ADK: variants seen among roughly 807,000 people sequenced by gnomAD.
ADK encodes the protein adenosine kinase, also known as N6,N6-dimethyladenosine kinase.
Under a neutral mutation model 44.7 loss-of-function variants are expected in ADK, and 24 were observed. The ratio of observed to expected loss-of-function variants is 0.54; its 90% CI spans 0.39 to 0.76. The LOEUF (loss-of-function observed/expected upper bound fraction) is 0.76, where lower values mean the gene tolerates loss of function less well. Ranked by LOEUF, ADK falls within the 30% of genes least tolerant of loss-of-function variation. ADK has a pLI of 0.00. For synonymous variants in ADK, 128 were observed against 142.6 expected (o/e 0.90, Z 0.73); for missense variants, 321 against 425.1 (o/e 0.76, Z 2.15).
intron 2 of ADK, among the ~76,000 whole-genome samples, chr10:74,205,040 C>CAAAAAAAA (rs60670688): frequency 7.9e-4 from 41 of 51,634 alleles, no homozygotes; most frequent in African/African-American, 3.8e-3. Flanking sequence ...CACTCTGTCT[C>CAAAAAAAA]AAAAAAAAAA....
chr10:74,676,474 A>G (rs925679063), intron 10 of ADK, among the ~76,000 whole-genome samples: 1 of 151,874 alleles, frequency 6.6e-6, no homozygotes, highest in African/African-American at 2.4e-5. Flanking sequence ...GTGCTGACTC[A>G]TAATACTTTT....
intron 6 of ADK, among the ~76,000 whole-genome samples, chr10:74,424,535 C>CAA (rs57106986): frequency 0.014 from 841 of 58,368 alleles, 17 homozygotes; most frequent in East Asian, 0.027. Context: ...AACTCCGTCT[C>CAA]AAAAAAAAAA....
At chr10:74,526,819 T>C (rs1475272037) in intron 7 of ADK, among the ~76,000 whole-genome samples, 1 of 152,202 alleles carries the variant, frequency 6.6e-6, no homozygotes, top group Non-Finnish European at 1.5e-5. Flanking sequence ...TTGACTAAGA[T>C]CTACCATTTA....
chr10:74,366,725 T>G (rs570267329), intron 4 of ADK, among the ~76,000 whole-genome samples: 1 of 151,790 alleles, frequency 6.6e-6, no homozygotes, highest in East Asian at 1.9e-4. Context: ...AGTCTAGGAG[T>G]TCGAGATTAG....
intron 9 of ADK, among the ~76,000 whole-genome samples, chr10:74,640,891 G>A (rs1363022781): frequency 1.3e-5 from 2 of 152,188 alleles, no homozygotes; most frequent in Non-Finnish European, 2.9e-5. Context: ...TTATTTCATA[G>A]AGACCATTCT....
chr10:74,655,696 A>G, intron 9 of ADK: 1 of 478,254 alleles, frequency 2.1e-6, no homozygotes, highest in South Asian at 1.7e-5. Context: ...TCCGTGGCAG[A>G]GCTGCCCAGG....
intron 8 of ADK, among the ~76,000 whole-genome samples, chr10:74,596,260 A>G (rs1384996309): frequency 6.6e-6 from 1 of 152,138 alleles, no homozygotes; most frequent in African/African-American, 2.4e-5. Flanking sequence ...GTTCTCCACT[A>G]CTTGTATTTA....
chr10:74,692,513 G>A (rs1856029967), intron 10 of ADK, among the ~76,000 whole-genome samples: 1 of 151,970 alleles, frequency 6.6e-6, no homozygotes, highest in Non-Finnish European at 1.5e-5. Context: ...AAAGAAATGA[G>A]CTATTAAGCC....
chr10:74,227,327 A>G (rs1047052971), intron 3 of ADK, among the ~76,000 whole-genome samples: 3 of 152,238 alleles, frequency 2.0e-5, no homozygotes, highest in Non-Finnish European at 4.4e-5. Flanking sequence ...TGGCACCATC[A>G]CATTGACCTG....
chr10:74,387,077 C>T (rs568500306), intron 4 of ADK, among the ~76,000 whole-genome samples: 1 of 152,230 alleles, frequency 6.6e-6, no homozygotes, highest in Middle Eastern at 3.4e-3. Context: ...GCTGGGATTA[C>T]AGGCATGTGC....
chr10:74,608,097 T>C (rs1852399926), intron 9 of ADK, among the ~76,000 whole-genome samples: 1 of 151,932 alleles, frequency 6.6e-6, no homozygotes, highest in African/African-American at 2.4e-5. Context: ...TTTATGTTCT[T>C]CTCTAAACTG....
At chr10:74,607,853 C>T (rs546859522) in intron 9 of ADK, among the ~76,000 whole-genome samples, 5 of 151,538 alleles carry the variant, frequency 3.3e-5, no homozygotes, top group African/African-American at 1.2e-4. Flanking sequence ...TTCTCCCCAT[C>T]ACTTTCAGGT....
intron 1 of ADK, among the ~76,000 whole-genome samples, chr10:74,192,507 T>C (rs1591831480): frequency 2.0e-5 from 3 of 151,748 alleles, no homozygotes. Context: ...ATTACAGGCG[T>C]GAGCCACTGC....
At chr10:74,465,857 G>A (rs1417600760) in intron 6 of ADK, among the ~76,000 whole-genome samples, 3 of 152,146 alleles carry the variant, frequency 2.0e-5, no homozygotes, top group Non-Finnish European at 4.4e-5. Context: ...TAGTGTATAA[G>A]TGATAGGTTT....
At chr10:74,345,939 G>C (rs1841749319) in intron 4 of ADK, among the ~76,000 whole-genome samples, 1 of 152,126 alleles carries the variant, frequency 6.6e-6, no homozygotes, top group Non-Finnish European at 1.5e-5. Flanking sequence ...CTGTTGCCCA[G>C]GCTGAAGTGC....
chr10:74,338,626 T>C (rs2131867228), intron 4 of ADK, among the ~76,000 whole-genome samples: 1 of 152,274 alleles, frequency 6.6e-6, no homozygotes, highest in South Asian at 2.1e-4. Context: ...TTTCCGTAGA[T>C]CTTAAGTTCA....
chr10:74,156,132 G>T (rs10824087), intron 1 of ADK, among the ~76,000 whole-genome samples: 10 of 151,850 alleles, frequency 6.6e-5, no homozygotes, highest in East Asian at 1.9e-4. Context: ...GATGGTTCTG[G>T]GTATCCAGGG....
At chr10:74,242,726 C>G (rs912360060) in intron 3 of ADK, among the ~76,000 whole-genome samples, 1 of 152,168 alleles carries the variant, frequency 6.6e-6, no homozygotes, top group Non-Finnish European at 1.5e-5. Context: ...TTGAATGTTG[C>G]CTTTTCCAAA....
chr10:74,652,496 C>G (rs986257557), intron 9 of ADK, among the ~76,000 whole-genome samples: 3 of 151,902 alleles, frequency 2.0e-5, no homozygotes, highest in Admixed American at 2.0e-4. Flanking sequence ...TGTGGTGGCT[C>G]ATACCTGTAA....
Sources: gnomAD v4.1 joint callset for allele counts (sites outside exome capture counted in the v4.1 genomes callset) on GRCh38, gnomAD v4.1.1 for gene constraint, MANE v1.5 for transcripts, NCBI Gene and HGNC (gene_info 2026-07-23, HGNC 2026-07-21) for gene names.